The following GABRB1 variants were observed in gnomAD, a reference collection of about 807,000 sequenced individuals.
The protein encoded by GABRB1 is gamma-aminobutyric acid receptor subunit beta-1.
Under a neutral mutation model 51.6 loss-of-function variants are expected in GABRB1, and 17 were observed. The observed-to-expected ratio is 0.33, with a 90% CI of 0.23 to 0.49. The LOEUF (loss-of-function observed/expected upper bound fraction) is 0.49, where lower values mean the gene tolerates loss of function less well. Ranked by LOEUF, GABRB1 falls within the 20% of genes least tolerant of loss-of-function variation. GABRB1 has a pLI of 0.99. For missense variants in GABRB1, 410 were observed against 600.6 expected (o/e 0.68, Z 3.32); for synonymous variants, 247 against 218.9 (o/e 1.13, Z -1.14).
chr4:47,060,263 G>T (rs62305286), intron 3 of GABRB1, among the ~76,000 whole-genome samples: 2 of 151,934 alleles, frequency 1.3e-5, no homozygotes, highest in East Asian at 3.9e-4. Flanking sequence ...CAGAAAGTAA[G>T]GGAACTGGAA....
intron 4 of GABRB1, among the ~76,000 whole-genome samples, chr4:47,274,804 G>T (rs1311101376): frequency 6.6e-6 from 1 of 152,106 alleles, no homozygotes; most frequent in Non-Finnish European, 1.5e-5. Flanking sequence ...ACTCTCAAGG[G>T]CCCTGGTGTC....
intron 3 of GABRB1, among the ~76,000 whole-genome samples, chr4:47,153,684 A>C (rs1717562747): frequency 6.6e-6 from 1 of 151,966 alleles, no homozygotes; most frequent in South Asian, 2.1e-4. Context: ...GTTCCATGTG[A>C]TTTTCTTAGA....
At chr4:47,349,549 A>G (rs990214348) in intron 5 of GABRB1, among the ~76,000 whole-genome samples, 7 of 152,320 alleles carry the variant, frequency 4.6e-5, no homozygotes, top group Non-Finnish European at 8.8e-5. Context: ...TAGCCTGATG[A>G]AGTATCATGC....
At chr4:47,352,322 A>G (rs1295780052) in intron 5 of GABRB1, among the ~76,000 whole-genome samples, 1 of 152,172 alleles carries the variant, frequency 6.6e-6, no homozygotes, top group East Asian at 1.9e-4. Context: ...TTCACAGCCG[A>G]ATTCTACCAG....
chr4:47,253,041 T>C (rs1722052913), intron 4 of GABRB1, among the ~76,000 whole-genome samples: 2 of 152,224 alleles, frequency 1.3e-5, no homozygotes, highest in African/African-American at 2.4e-5. Flanking sequence ...GAAATGATCA[T>C]TAACCCCATT....
chr4:47,316,547 C>CCCATGT (rs1219569362), intron 4 of GABRB1, among the ~76,000 whole-genome samples: 2 of 151,790 alleles, frequency 1.3e-5, no homozygotes, highest in Admixed American at 1.3e-4. Flanking sequence ...TGAGAATGTC[C>CCCATGT]TATGCCCCAT....
chr4:47,260,827 A>G (rs1163591484), intron 4 of GABRB1, among the ~76,000 whole-genome samples: 11 of 152,310 alleles, frequency 7.2e-5, no homozygotes, highest in Middle Eastern at 3.4e-3. Flanking sequence ...CGAATCCAGC[A>G]GCACATCAAA....
intron 5 of GABRB1, among the ~76,000 whole-genome samples, chr4:47,346,662 A>G (rs1440043580): frequency 6.6e-6 from 1 of 152,242 alleles, no homozygotes; most frequent in African/African-American, 2.4e-5. Flanking sequence ...ACTTCAGCTG[A>G]TAAGAAAGTC....
intron 4 of GABRB1, among the ~76,000 whole-genome samples, chr4:47,306,465 A>G (rs905502590): frequency 2.6e-5 from 4 of 151,478 alleles, no homozygotes; most frequent in Non-Finnish European, 5.9e-5. Flanking sequence ...GGAGGAAAAG[A>G]GGAAGGAAAG....
intron 5 of GABRB1, among the ~76,000 whole-genome samples, chr4:47,379,437 A>AATGAGTTGG (rs1727514584): frequency 6.6e-6 from 1 of 152,180 alleles, no homozygotes; most frequent in Non-Finnish European, 1.5e-5. Flanking sequence ...CTTTTTGTTA[A>AATGAGTTGG]ATGAGTTGGC....
At chr4:47,237,358 T>C (rs1439384937) in intron 4 of GABRB1, among the ~76,000 whole-genome samples, 2 of 152,162 alleles carry the variant, frequency 1.3e-5, no homozygotes, top group East Asian at 3.9e-4. Context: ...AAATAAACTA[T>C]GTTTCATATT....
chr4:47,254,298 G>A (rs939873288), intron 4 of GABRB1, among the ~76,000 whole-genome samples: 2 of 146,456 alleles, frequency 1.4e-5, no homozygotes, highest in Non-Finnish European at 3.0e-5. Flanking sequence ...GTTCTATAAA[G>A]TCTTAGAACA....
intron 8 of GABRB1, among the ~76,000 whole-genome samples, chr4:47,421,540 G>A (rs1418823288): frequency 6.6e-6 from 1 of 152,040 alleles, no homozygotes; most frequent in Non-Finnish European, 1.5e-5. Context: ...CAACTCTTGA[G>A]ATTACCTAAT....
intron 3 of GABRB1, among the ~76,000 whole-genome samples, chr4:47,146,573 G>C (rs1207213837): frequency 6.6e-6 from 1 of 151,938 alleles, no homozygotes. Flanking sequence ...CCCCAATAAT[G>C]ACATGAGAAT....
chr4:47,370,414 A>T (rs1198336769), intron 5 of GABRB1, among the ~76,000 whole-genome samples: 2 of 151,958 alleles, frequency 1.3e-5, no homozygotes, highest in Non-Finnish European at 2.9e-5. Flanking sequence ...TTGAGCCTGG[A>T]AAGCGGAAGT....
intron 8 of GABRB1, among the ~76,000 whole-genome samples, chr4:47,409,455 C>A (rs11946601): frequency 0.13 from 19,872 of 152,056 alleles, 1,435 homozygotes; most frequent in Middle Eastern, 0.27. Flanking sequence ...TCTCTCCGAC[C>A]ATCTCCAGCC....
chr4:47,033,131 T>G (rs1462672839), intron 3 of GABRB1: 5 of 192,792 alleles, frequency 2.6e-5, no homozygotes, highest in Non-Finnish European at 4.4e-5. Context: ...CAAATTTAAG[T>G]TGAAACAGAA....
At chr4:47,052,050 AACCC>A (rs1687175351) in intron 3 of GABRB1, among the ~76,000 whole-genome samples, 1 of 152,102 alleles carries the variant, frequency 6.6e-6, no homozygotes, top group South Asian at 2.1e-4. Context: ...AATCTGCTTG[AACCC>A]AGGAGGTAGA....
intron 4 of GABRB1, among the ~76,000 whole-genome samples, chr4:47,192,693 G>C (rs543520313): frequency 3.9e-5 from 6 of 152,074 alleles, no homozygotes; most frequent in African/African-American, 1.4e-4. Flanking sequence ...AAACAGAATA[G>C]ATCTGTAATC....
Sources: gnomAD v4.1 joint callset for allele counts (sites outside exome capture counted in the v4.1 genomes callset) on GRCh38, gnomAD v4.1.1 for gene constraint, MANE v1.5 for transcripts, NCBI Gene and HGNC (gene_info 2026-07-23, HGNC 2026-07-21) for gene names.